Variants in STAG1 observed in about 807,000 individuals in gnomAD.
The protein encoded by STAG1 is cohesin subunit SA-1.
STAG1 carries 26 observed loss-of-function variants against 170.9 expected under a neutral mutation model. That is an observed-to-expected ratio of 0.15 (90% CI 0.11 to 0.21). The LOEUF (loss-of-function observed/expected upper bound fraction) is 0.21. STAG1 is among the 10% of genes least tolerant of loss of function. STAG1 has a pLI of 1.00. For synonymous variants in STAG1, 514 were observed against 497.7 expected (o/e 1.03, Z -0.44); for missense variants, 964 against 1,509.5 (o/e 0.64, Z 5.99).
At chr3:136,510,613 G>GTT (rs869278058) in intron 7 of STAG1, among the ~76,000 whole-genome samples, 15 of 131,194 alleles carry the variant, frequency 1.1e-4, no homozygotes, top group Admixed American at 1.6e-4. Flanking sequence ...GGATGTCTTT[G>GTT]TTTTTTTTTT....
chr3:136,721,083 G>A (rs1028483643), intron 1 of STAG1, among the ~76,000 whole-genome samples: 1 of 152,168 alleles, frequency 6.6e-6, no homozygotes, highest in Non-Finnish European at 1.5e-5. Flanking sequence ...CATTGGAAGT[G>A]TATAAAAGGT....
chr3:136,338,215 A>AAAT lies in STAG1; in HGVS notation c.*36_*38dup. ...TCACAGTATATAGGCCTCTAGCTCTAAATAATAGAGTTCCAGATTTGTAAA... is the reference window on the plus strand; with the variant it reads ...TCACAGTATATAGGCCTCTAGCTCTAAATAATAATAGAGTTCCAGATTTGTAAA... On this transcript the variant is annotated 3_prime_UTR_variant, in exon 34 of 34. Coordinates refer to ENST00000383202, the MANE Select transcript of STAG1 (RefSeq NM_005862.3). The AAAT allele has an allele frequency of 6.7e-7, 1 of 1,491,214 alleles. No homozygotes were observed. The highest frequency in any genetic ancestry group is 9.3e-7 in the Non-Finnish European group (1 of 1,071,556). 92.4% of individuals were successfully genotyped at this position (1,491,214 alleles called of 1,614,324 possible). A position where few individuals can be genotyped will look rare whatever the true frequency, so the allele number is the denominator to read the frequency against.
intron 9 of STAG1, among the ~76,000 whole-genome samples, chr3:136,491,210 T>C (rs2090118643): frequency 6.6e-6 from 1 of 152,124 alleles, no homozygotes; most frequent in African/African-American, 2.4e-5. Context: ...CTGGAACTCC[T>C]GGGCTCAAGC....
intron 23 of STAG1, among the ~76,000 whole-genome samples, chr3:136,377,020 GC>G (rs1237105993): frequency 6.6e-6 from 1 of 150,550 alleles, no homozygotes; most frequent in African/African-American, 2.4e-5. Flanking sequence ...CTTGTGATCT[GC>G]CCACCTCGGC....
At chr3:136,418,657 T>A (rs538117307) in intron 20 of STAG1, among the ~76,000 whole-genome samples, 11 of 151,692 alleles carry the variant, frequency 7.3e-5, no homozygotes, top group South Asian at 4.2e-4. Flanking sequence ...TTTTTTTTTT[T>A]AAAAGACAGG....
intron 4 of STAG1, among the ~76,000 whole-genome samples, chr3:136,572,620 A>AAAAAAAAAAAAAAAAAAG (rs1553747954): frequency 6.7e-6 from 1 of 148,648 alleles, no homozygotes; most frequent in Admixed American, 6.7e-5. Flanking sequence ...AAAAAAAAAA[A>AAAAAAAAAAAAAAAAAAG]AAGTAAGCAA....
chr3:136,349,065 C>A, intron 29 of STAG1, 93 bp downstream of exon 29: 1 of 959,574 alleles, frequency 1.0e-6, no homozygotes. Context: ...AAATCATGTG[C>A]CTGATACTAT....
chr3:136,488,182 G>C (rs1478986422), intron 9 of STAG1, among the ~76,000 whole-genome samples: 2 of 152,220 alleles, frequency 1.3e-5, no homozygotes, highest in East Asian at 3.8e-4. Context: ...GAGTGCAGTG[G>C]CATGATCTCG....
intron 4 of STAG1, among the ~76,000 whole-genome samples, chr3:136,574,497 C>G: frequency 6.6e-6 from 1 of 151,978 alleles, no homozygotes; most frequent in South Asian, 2.1e-4. Flanking sequence ...CACACATATA[C>G]ACACACCATG....
chr3:136,591,891 G>A (rs1157188520), intron 4 of STAG1, among the ~76,000 whole-genome samples: 1 of 152,098 alleles, frequency 6.6e-6, no homozygotes, highest in Non-Finnish European at 1.5e-5. Context: ...TCATTCAATG[G>A]AGACCTCTTA....
intron 1 of STAG1, among the ~76,000 whole-genome samples, chr3:136,674,284 T>C (rs1422320059): frequency 2.0e-5 from 3 of 152,056 alleles, no homozygotes; most frequent in Admixed American, 6.6e-5. Flanking sequence ...CAGACTGGAA[T>C]ATATCCATAC....
At chr3:136,460,310 A>C (rs2089236253) in intron 13 of STAG1, among the ~76,000 whole-genome samples, 1 of 152,168 alleles carries the variant, frequency 6.6e-6, no homozygotes, top group South Asian at 2.1e-4. Flanking sequence ...ACCATAAAGA[A>C]ATAGAAAACT....
At chr3:136,397,400 T>C (rs1045060323) in intron 22 of STAG1, among the ~76,000 whole-genome samples, 5 of 152,222 alleles carry the variant, frequency 3.3e-5, no homozygotes, top group African/African-American at 9.6e-5. Flanking sequence ...TGTTAGGTGG[T>C]TGGGGATTAC....
At chr3:136,419,870 C>T (rs1022594573) in intron 20 of STAG1, among the ~76,000 whole-genome samples, 10 of 152,038 alleles carry the variant, frequency 6.6e-5, no homozygotes, top group African/African-American at 2.4e-4. Flanking sequence ...GTTAAATACT[C>T]ATGGGCTGAA....
chr3:136,568,747 T>A lies in STAG1; in HGVS notation c.394+18A>T. 26 of 1,587,394 alleles carry A rather than the reference T, an allele frequency of 1.6e-5. No homozygotes were observed. Among genetic ancestry groups the A allele is most frequent in the Non-Finnish European group, 2.2e-5 (25 of 1,157,836 alleles). On this transcript the variant is annotated intron_variant, in intron 5 of 33. Coordinates refer to ENST00000383202, the MANE Select transcript of STAG1 (RefSeq NM_005862.3). Reference sequence around the variant, plus strand: ...ACTGACAGGCTCAATGTACATCATTTATTTCAACATTCTGTACCTCGACAT... The same window carrying A: ...ACTGACAGGCTCAATGTACATCATTAATTTCAACATTCTGTACCTCGACAT...
At chr3:136,555,615 C>T (rs1365444093) in intron 5 of STAG1, among the ~76,000 whole-genome samples, 1 of 151,928 alleles carries the variant, frequency 6.6e-6, no homozygotes, top group Non-Finnish European at 1.5e-5. Context: ...ACCCAGGAGG[C>T]GGGGGTTGCA....
intron 1 of STAG1, among the ~76,000 whole-genome samples, chr3:136,657,189 C>CTTTTTTTTTTTTTT (rs67826395): frequency 2.2e-5 from 2 of 92,290 alleles, no homozygotes; most frequent in African/African-American, 4.0e-5. Flanking sequence ...TTCTTTCTTT[C>CTTTTTTTTTTTTTT]TTTTTTTTTT....
chr3:136,391,413 T>C (rs1260411934), intron 22 of STAG1, among the ~76,000 whole-genome samples: 1 of 148,544 alleles, frequency 6.7e-6, no homozygotes, highest in African/African-American at 2.5e-5. Context: ...AGTCTCACTC[T>C]GTCGCCAAGC....
intron 2 of STAG1, among the ~76,000 whole-genome samples, chr3:136,629,870 T>C (rs545139233): frequency 6.6e-6 from 1 of 152,166 alleles, no homozygotes; most frequent in Admixed American, 6.5e-5. Context: ...ATATCTGCCA[T>C]TCCTGTGATC....
Sources: allele counts gnomAD v4.1 joint callset (sites outside exome capture counted in the v4.1 genomes callset), GRCh38; gene constraint gnomAD v4.1.1; transcripts MANE v1.5; gene names NCBI Gene and HGNC (gene_info 2026-07-23, HGNC 2026-07-21).